MORC2: variants seen among roughly 807,000 people sequenced by gnomAD.
MORC2 encodes the protein MORC family CW-type zinc finger 2.
Under a neutral mutation model 136.0 loss-of-function variants are expected in MORC2, and 30 were observed. That is an observed-to-expected ratio of 0.22 (90% CI 0.17 to 0.30). MORC2 has a LOEUF of 0.30. MORC2 is among the 10% of genes least tolerant of loss of function. MORC2 has a pLI of 1.00. For missense variants in MORC2, 922 were observed against 1,333.1 expected (o/e 0.69, Z 4.80); for synonymous variants, 439 against 487.0 (o/e 0.90, Z 1.30).
chr22:30,936,377 A>G (rs2040652638), intron 17 of MORC2, 134 bp downstream of exon 17: 1 of 1,255,858 alleles, frequency 8.0e-7, no homozygotes, highest in African/African-American at 1.5e-5. Context: ...TTGGGGTTGG[A>G]AAGCTTTGGC....
In MORC2 at chr22:30,941,708, A is replaced by G; in HGVS notation, c.699-150T>C. The G allele has an allele frequency of 7.9e-7, 1 of 1,272,534 alleles. No individual in the cohort carries two copies. The highest frequency in any genetic ancestry group is 1.1e-6 in the Non-Finnish European group (1 of 927,678). The allele number at this position is 1,272,534 out of a possible 1,614,324, so 78.8% of individuals were successfully genotyped here. On this transcript the variant is annotated intron_variant, in intron 8 of 25. Coordinates refer to ENST00000397641, the MANE Select transcript of MORC2 (RefSeq NM_001303256.3). This position sits in a 1 kb window ranked among gnomAD's most constrained non-coding sequence, Gnocchi z 4.6. ...GAACTGGTGCTCCCTTAGTGTGAGC[A>G]CCACATCCCGCCCCTCTCACGTCCT...
intron 21 of MORC2, 123 bp downstream of exon 21, chr22:30,933,343 C>T: frequency 9.2e-7 from 1 of 1,087,278 alleles, no homozygotes; most frequent in Admixed American, 2.3e-5. Context: ...TCCACTGCTG[C>T]ACAAGAGCCC....
chr22:30,940,708 C>T (rs755828292), intron 10 of MORC2, 50 bp downstream of exon 10: 1 of 1,536,874 alleles, frequency 6.5e-7, no homozygotes, highest in South Asian at 1.1e-5. Context: ...CCACAAGCAG[C>T]ATACCCCAGA....
At chr22:30,961,085 C>A (rs1165393025) in intron 1 of MORC2, among the ~76,000 whole-genome samples, 1 of 150,140 alleles carries the variant, frequency 6.7e-6, no homozygotes, top group African/African-American at 2.5e-5. Context: ...GGTCAGGCTG[C>A]TCTTGAACTC....
In MORC2 at chr22:30,925,319, C is replaced by G. The variant is rs1478142797; in HGVS notation, c.*1484G>C. 2 of 262,726 alleles carry G rather than the reference C, an allele frequency of 7.6e-6. No homozygotes were observed. Among genetic ancestry groups the G allele is most frequent in the Non-Finnish European group, 1.5e-5 (2 of 134,354 alleles). The allele number at this position is 262,726 out of a possible 1,614,324, so 16.3% of individuals were successfully genotyped here. A position where few individuals can be genotyped will look rare whatever the true frequency, so the allele number is the denominator to read the frequency against. ...AGAGAGAGCAGGATGGCAGAGGAAT[C>G]ACCAGCTCAAGAAACCCCAAGACTT... On this transcript the variant is annotated 3_prime_UTR_variant, in exon 26 of 26. Coordinates refer to ENST00000397641, the MANE Select transcript of MORC2 (RefSeq NM_001303256.3).
chr22:30,939,998 T>C lies in MORC2; in HGVS notation c.948A>G (p.Leu316=). ...AREAESKART[L]EVRLGGDLTR... is the part of the protein sequence containing the mutation. Reference sequence around the variant, plus strand: ...TGAGGTCTCCACCTAGGCGTACTTCTAATGTCCGAGCTTTGCTCTCTGCCT... The same window carrying C: ...TGAGGTCTCCACCTAGGCGTACTTCCAATGTCCGAGCTTTGCTCTCTGCCT... The change falls in exon 11 of 26, where the codon TTA becomes TTG. Residue 316 remains leucine (L), a synonymous_variant. Coordinates refer to ENST00000397641, the MANE Select transcript of MORC2 (RefSeq NM_001303256.3). The C allele has an allele frequency of 6.2e-7, 1 of 1,614,040 alleles. No homozygotes were observed. The highest frequency in any genetic ancestry group is 8.5e-7 in the Non-Finnish European group (1 of 1,180,042).
chr22:30,942,381 G>C, intron 6 of MORC2, 110 bp from the exon 7 acceptor site: 1 of 1,256,852 alleles, frequency 8.0e-7, no homozygotes, highest in Non-Finnish European at 1.1e-6. Flanking sequence ...TGCCCTGTAG[G>C]TGAGGCCCAA....
At chr22:30,963,578 G>A (rs2041081561) in intron 1 of MORC2, among the ~76,000 whole-genome samples, 1 of 151,954 alleles carries the variant, frequency 6.6e-6, no homozygotes, top group African/African-American at 2.4e-5. Context: ...TAGCGATGGG[G>A]TTTCACCGTG....
At position 30,926,479 on chromosome 22, in the gene MORC2, G is replaced by A. The variant is rs1041641213; in HGVS notation, c.*324C>T. The A allele has an allele frequency of 3.0e-5, 5 of 164,248 alleles. No individual in the cohort carries two copies. Among genetic ancestry groups the A allele is most frequent in the Non-Finnish European group, 4.8e-5 (4 of 84,004 alleles). The allele number at this position is 164,248 out of a possible 1,614,324, so 10.2% of individuals were successfully genotyped here. A position where few individuals can be genotyped will look rare whatever the true frequency, so the allele number is the denominator to read the frequency against. ...ACTCGCCGTTATCTTGAGGAGCCAG[G>A]AGCTGAAATGGCTCCGGCTTAGCAA... On this transcript the variant is annotated 3_prime_UTR_variant, in exon 26 of 26. Coordinates refer to ENST00000397641, the MANE Select transcript of MORC2 (RefSeq NM_001303256.3).
rs1569184444 is a variant in MORC2 at position 30,925,877 on chromosome 22, T to C, written c.*926A>G. On this transcript the variant is annotated 3_prime_UTR_variant, in exon 26 of 26. Coordinates refer to ENST00000397641, the MANE Select transcript of MORC2 (RefSeq NM_001303256.3). ...CTCACTGGCCCCCTCTTCAGGCACC[T>C]TGATGGGGCTCAGTGGGGCCAGGCC... 3 of 153,350 alleles carry C rather than the reference T, an allele frequency of 2.0e-5. No individual in the cohort carries two copies. The highest frequency in any genetic ancestry group is 4.4e-5 in the Non-Finnish European group (3 of 68,094). The allele number at this position is 153,350 out of a possible 1,614,324, so 9.5% of individuals were successfully genotyped here. A position where few individuals can be genotyped will look rare whatever the true frequency, so the allele number is the denominator to read the frequency against.
chr22:30,961,009 G>A (rs5997824), intron 1 of MORC2, among the ~76,000 whole-genome samples: 249 of 151,838 alleles, frequency 1.6e-3, no homozygotes, highest in African/African-American at 5.6e-3. Context: ...GGGATTACAG[G>A]CGCCTGCCAC....
At chr22:30,943,160 A>T (rs1211788387) in intron 6 of MORC2, among the ~76,000 whole-genome samples, 1 of 152,248 alleles carries the variant, frequency 6.6e-6, no homozygotes, top group Non-Finnish European at 1.5e-5. Context: ...ATGAAATAGG[A>T]TACAAAAAAT....
At chr22:30,957,125 AAT>A (rs1466054830) in intron 2 of MORC2, among the ~76,000 whole-genome samples, 2 of 152,240 alleles carry the variant, frequency 1.3e-5, no homozygotes, top group Non-Finnish European at 2.9e-5. Flanking sequence ...AAATGATTCA[AAT>A]ATGTTTTTCT....
chr22:30,958,831 A>G, intron 1 of MORC2, 137 bp from the exon 2 acceptor site: 1 of 688,410 alleles, frequency 1.5e-6, no homozygotes, highest in Admixed American at 2.6e-5. Context: ...TATACTACTC[A>G]AGGCTTTCCA....
chr22:30,933,955 G>T, intron 20 of MORC2, 105 bp downstream of exon 20: 2 of 1,422,460 alleles, frequency 1.4e-6, no homozygotes, highest in Non-Finnish European at 1.9e-6. Context: ...GGGTTGTGTA[G>T]ACTGCTGGTG....
chr22:30,940,938 G>T, intron 9 of MORC2, 101 bp from the exon 10 acceptor site: 1 of 974,836 alleles, frequency 1.0e-6, no homozygotes, highest in Non-Finnish European at 1.7e-6. Flanking sequence ...CTCCCAAGCT[G>T]TGCTGTCCTG....
chr22:30,928,611 A>G (rs980359087), intron 24 of MORC2, among the ~76,000 whole-genome samples: 1 of 152,236 alleles, frequency 6.6e-6, no homozygotes, highest in African/African-American at 2.4e-5. Flanking sequence ...CAACAATGTC[A>G]GCGCTCATGT....
At chr22:30,965,313 C>A (rs980995554) in intron 1 of MORC2, among the ~76,000 whole-genome samples, 1 of 152,228 alleles carries the variant, frequency 6.6e-6, no homozygotes, top group Non-Finnish European at 1.5e-5. Context: ...ATCTTCCCTT[C>A]TCTGAAGATG....
intron 3 of MORC2, among the ~76,000 whole-genome samples, 188 bp from the exon 4 acceptor site, chr22:30,950,633 T>C (rs2040874062): frequency 6.6e-6 from 1 of 152,178 alleles, no homozygotes; most frequent in Non-Finnish European, 1.5e-5. Flanking sequence ...GGTTCTCCAA[T>C]GTTTTCTAGA....
Sources: gnomAD v4.1 joint callset for allele counts (sites outside exome capture counted in the v4.1 genomes callset) on GRCh38, gnomAD v4.1.1 for gene constraint, Gnocchi (gnomAD v3.1) non-coding constraint, MANE v1.5 for transcripts, NCBI Gene and HGNC (gene_info 2026-07-23, HGNC 2026-07-21) for gene names.